KHDC1: variants seen among roughly 807,000 people sequenced by gnomAD.
The protein encoded by KHDC1 is KH domain containing 1, also known as KH homology domain-containing protein 1.
In KHDC1, 21 loss-of-function variants were observed where a neutral mutation model predicts 24.7. The ratio of observed to expected loss-of-function variants is 0.85; its 90% confidence interval spans 0.60 to 1.23. KHDC1 has a LOEUF of 1.23. Among genes scored for constraint, KHDC1 ranks in the 50% most tolerant of loss-of-function variants. The pLI is 0.00. For synonymous variants in KHDC1, 98 were observed against 111.7 expected, an observed-to-expected ratio of 0.88 and a Z score of 0.77; for missense variants, 274 against 298.5, an observed-to-expected ratio of 0.92 and a Z score of 0.61.
intron 1 of KHDC1, among the ~76,000 whole-genome samples, chr6:73,308,299 C>A (rs748959022): frequency 3.9e-5 from 6 of 151,952 alleles, no homozygotes; most frequent in Non-Finnish European, 7.4e-5. Context: ...TGGTCTTGAT[C>A]CCCTGACCTC....
chr6:73,241,711 G>A lies in KHDC1; in HGVS notation c.532C>T (p.Arg178Cys), dbSNP rs764657829. The stretch of plus-strand genomic sequence containing the variant: ...TTGGTCAGAGGCTGGCTTCGGACAC[G>A]TTCCAGCATCTCCAGGCCTGCAAAA... The change falls in exon 5 of 5, where the codon CGT becomes TGT. Residue 178 changes from arginine (R) to cysteine (C), a missense_variant. Transcript: ENST00000370384. 1.1e-5 allele frequency: 18 copies of A among 1,614,032 alleles called. No individual in the cohort carries two copies. The highest frequency in any genetic ancestry group is 5.3e-5 in the African/African-American group (4 of 74,918).
intron 2 of KHDC1, among the ~76,000 whole-genome samples, chr6:73,280,213 A>G (rs189937590): frequency 1.3e-5 from 2 of 152,192 alleles, no homozygotes; most frequent in East Asian, 1.9e-4. Context: ...TTGGAGTGCA[A>G]TGGCACAATC....
At chr6:73,255,810 G>A (rs2150561446) in intron 2 of KHDC1, among the ~76,000 whole-genome samples, 1 of 151,042 alleles carries the variant, frequency 6.6e-6, no homozygotes, top group Middle Eastern at 3.4e-3. Context: ...GCTGAGACTG[G>A]AGAATCGCTT....
In KHDC1 at chr6:73,242,324, C is replaced by G. The variant is rs1766587808; in HGVS notation, c.331+82G>C. 3 of 1,607,150 alleles carry G rather than the reference C, an allele frequency of 1.9e-6. No homozygotes were observed. In the South Asian group the frequency reaches 3.3e-5, roughly 18 times the overall value. ...TGGCCTTCAGGGTAGGAATATGTGA[C>G]TGATGAAGGTGGGAGGGGAGAGGAA... On this transcript the variant is annotated intron_variant, in intron 3 of 4. Coordinates refer to ENST00000370384, the Ensembl canonical transcript of KHDC1.
intron 2 of KHDC1, among the ~76,000 whole-genome samples, chr6:73,278,862 G>A (rs1236295592): frequency 2.0e-5 from 3 of 152,126 alleles, no homozygotes; most frequent in Non-Finnish European, 4.4e-5. Flanking sequence ...GGGCACTATT[G>A]TACACGAATT....
At chr6:73,281,077 T>TCA (rs1767395978) in intron 2 of KHDC1, among the ~76,000 whole-genome samples, 1 of 151,876 alleles carries the variant, frequency 6.6e-6, no homozygotes, top group Non-Finnish European at 1.5e-5. Flanking sequence ...GGCATGGTGG[T>TCA]GCCTGTCTGT....
intron 2 of KHDC1, among the ~76,000 whole-genome samples, chr6:73,283,339 T>TAAAA (rs59943075): frequency 0.086 from 12,995 of 151,786 alleles, 583 homozygotes; most frequent in Non-Finnish European, 0.091. Flanking sequence ...TTTTTTTTTT[T>TAAAA]AAAAAGAAGC....
Position 73,298,260 on chromosome 6 carries a change from G to A in KHDC1, c.164-6220C>T, listed in dbSNP as rs16883609. ...TTCAACATGCTATGGAGGAGGGAGA[G>A]TAGGTTTTATCCAGGATCACATGGG... is the stretch of plus-strand genomic sequence containing the variant. On this transcript the variant is annotated intron_variant, in intron 1 of 4. Transcript: ENST00000370384. Among the ~76,000 whole-genome samples, 1,111 of 151,962 alleles carry A rather than the reference G, an allele frequency of 7.3e-3. 33 individuals are homozygous for A. The highest frequency in any genetic ancestry group is 0.07 in the East Asian group (359 of 5,160).
intron 2 of KHDC1, among the ~76,000 whole-genome samples, chr6:73,267,667 A>G (rs1361613227): frequency 6.6e-6 from 1 of 152,210 alleles, no homozygotes; most frequent in African/African-American, 2.4e-5. Flanking sequence ...ATTTTTAGGT[A>G]TATATTCAAA....
chr6:73,289,300 C>T (rs1314468796), intron 2 of KHDC1, among the ~76,000 whole-genome samples: 1 of 135,970 alleles, frequency 7.4e-6, no homozygotes. Flanking sequence ...CACCACTGCA[C>T]TCCGGCCTGG....
intron 2 of KHDC1, among the ~76,000 whole-genome samples, chr6:73,280,515 T>C (rs977666445): frequency 3.8e-5 from 3 of 79,250 alleles, no homozygotes; most frequent in Non-Finnish European, 7.1e-5. Context: ...CTTTAATTTC[T>C]TTTTTTTTTT....
chr6:73,263,196 T>C, intron 2 of KHDC1: 1 of 986,814 alleles, frequency 1.0e-6, no homozygotes, highest in Non-Finnish European at 1.2e-6. Context: ...CGAGCGGAAG[T>C]GGCGGCGACC....
At chr6:73,265,584 G>A (rs1486958042) in intron 2 of KHDC1, among the ~76,000 whole-genome samples, 1 of 150,974 alleles carries the variant, frequency 6.6e-6, no homozygotes. Flanking sequence ...AGCTGGATTG[G>A]AGGAAGGTGG....
intron 2 of KHDC1, among the ~76,000 whole-genome samples, chr6:73,264,823 T>TG (rs1370573520): frequency 6.6e-6 from 1 of 152,176 alleles, no homozygotes; most frequent in African/African-American, 2.4e-5. Context: ...CTTCAAAGAC[T>TG]GGATGCTGCC....
At chr6:73,301,895 C>T (rs1207068001) in intron 1 of KHDC1, among the ~76,000 whole-genome samples, 1 of 152,146 alleles carries the variant, frequency 6.6e-6, no homozygotes, top group Non-Finnish European at 1.5e-5. Flanking sequence ...TCCCAAAGTG[C>T]TGGCACTACA....
At chr6:73,242,754 G>A (rs553996255) in intron 2 of KHDC1, among the ~76,000 whole-genome samples, 46 of 152,208 alleles carry the variant, frequency 3.0e-4, no homozygotes, top group African/African-American at 1.1e-3. Context: ...TCTGATTAGT[G>A]CTTGCCTTTC....
At chr6:73,304,481 A>C (rs1048466067) in intron 1 of KHDC1, among the ~76,000 whole-genome samples, 1 of 152,156 alleles carries the variant, frequency 6.6e-6, no homozygotes, top group African/African-American at 2.4e-5. Context: ...AAATATATGT[A>C]ATAGAGGCGG....
intron 2 of KHDC1, among the ~76,000 whole-genome samples, chr6:73,246,400 T>C (rs886614146): frequency 3.3e-5 from 5 of 151,402 alleles, no homozygotes; most frequent in African/African-American, 1.2e-4. Context: ...ACAAGAAACA[T>C]TAATATTTTA....
intron 2 of KHDC1, chr6:73,269,422 C>G (rs1012734578): frequency 6.5e-6 from 1 of 153,144 alleles, no homozygotes; most frequent in African/African-American, 2.4e-5. Flanking sequence ...ACTGCCAGCA[C>G]GCTGTCACCT....
Sources: allele counts gnomAD v4.1 joint callset (sites outside exome capture counted in the v4.1 genomes callset), GRCh38; gene constraint gnomAD v4.1.1; transcripts MANE v1.5; gene names NCBI Gene and HGNC (gene_info 2026-07-23, HGNC 2026-07-21).